RHBDL3: variants seen among roughly 807,000 people sequenced by gnomAD.
The protein encoded by RHBDL3 is rhomboid like 3.
Under a neutral mutation model 48.2 loss-of-function variants are expected in RHBDL3, and 28 were observed. The ratio of observed to expected loss-of-function variants is 0.58; its 90% CI spans 0.43 to 0.80. RHBDL3 has a LOEUF of 0.80. Among genes scored for constraint, RHBDL3 ranks in the 30% least tolerant of loss-of-function variants. RHBDL3 has a pLI of 0.00. For missense variants in RHBDL3, 464 were observed against 542.7 expected (o/e 0.85, Z 1.44); for synonymous variants, 208 against 232.3 (o/e 0.90, Z 0.95).
chr17:32,319,797 A>G (rs926560347), intron 8 of RHBDL3, among the ~76,000 whole-genome samples: 1 of 152,222 alleles, frequency 6.6e-6, no homozygotes, highest in African/African-American at 2.4e-5. Flanking sequence ...GCTTTATTTC[A>G]GTGTCAAATT....
chr17:32,291,339 GAAAAAA>G (rs930949086), intron 4 of RHBDL3, among the ~76,000 whole-genome samples: 1 of 126,024 alleles, frequency 7.9e-6, no homozygotes, highest in Middle Eastern at 5.3e-3. Context: ...TCTCAAAAAA[GAAAAAA>G]AGAAAAAAAA....
Position 32,306,370 on chromosome 17 carries a change from G to A in RHBDL3, c.882+929G>A, listed in dbSNP as rs185361478. On this transcript the variant is annotated intron_variant, in intron 7 of 8. Transcript: ENST00000269051. ...ACCCGGGAGGCGGAGGTTGCAGTGA[G>A]CCGAGATCGCACCACTGCACTCCAG... 2.0e-5 allele frequency among the ~76,000 whole-genome samples: 3 copies of A among 152,288 alleles called. No individual in the cohort carries two copies. The East Asian group carries it at 5.8e-4, about 29-fold the overall frequency.
chr17:32,321,733 G>T lies in RHBDL3; in HGVS notation c.*504G>T. ...TGTGTCTGGGGCTCCAGTAAGAAGA[G>T]GGCCTACTGGACATGTCAGCTGTGA... On this transcript the variant is annotated 3_prime_UTR_variant, in exon 9 of 9. Transcript: ENST00000269051. 4.1e-6 allele frequency: 1 copy of T among 246,314 alleles called. No homozygotes were observed. The highest frequency in any genetic ancestry group is 8.1e-6 in the Non-Finnish European group (1 of 123,902). 15.3% of individuals were successfully genotyped at this position (246,314 alleles called of 1,614,324 possible).
chr17:32,274,867 AGT>A (rs749295077), intron 2 of RHBDL3, among the ~76,000 whole-genome samples: 11 of 151,772 alleles, frequency 7.2e-5, no homozygotes, highest in Non-Finnish European at 1.5e-4. Flanking sequence ...TGTGTGCAAG[AGT>A]GTGCATGTGT....
intron 2 of RHBDL3, among the ~76,000 whole-genome samples, chr17:32,282,950 C>T (rs2040093614): frequency 6.6e-6 from 1 of 152,152 alleles, no homozygotes; most frequent in Admixed American, 6.6e-5. Context: ...TAGCCCATGA[C>T]TGAGACTCCT....
At chr17:32,278,812 G>T (rs2150699555) in intron 2 of RHBDL3, among the ~76,000 whole-genome samples, 1 of 152,312 alleles carries the variant, frequency 6.6e-6, no homozygotes, top group South Asian at 2.1e-4. Flanking sequence ...AGGACACTTT[G>T]AGAGTAAAGG....
chr17:32,303,778 A>G (rs1038886661), intron 6 of RHBDL3, among the ~76,000 whole-genome samples: 2 of 151,548 alleles, frequency 1.3e-5, no homozygotes, highest in African/African-American at 4.9e-5. Context: ...GAGGTGGAGG[A>G]GTTTATCAGG....
intron 7 of RHBDL3, among the ~76,000 whole-genome samples, chr17:32,309,292 C>A (rs1012840779): frequency 2.6e-4 from 39 of 151,784 alleles, no homozygotes; most frequent in African/African-American, 9.0e-4. Context: ...GTGGCTCACG[C>A]CTGTAATCCC....
chr17:32,269,777 C>G (rs916872707), intron 2 of RHBDL3, among the ~76,000 whole-genome samples: 2 of 152,116 alleles, frequency 1.3e-5, no homozygotes, highest in African/African-American at 4.8e-5. Context: ...CTGTGTCTAT[C>G]TTTTTCATTT....
At chr17:32,311,154 G>A (rs2040839810) in intron 7 of RHBDL3, among the ~76,000 whole-genome samples, 1 of 152,224 alleles carries the variant, frequency 6.6e-6, no homozygotes, top group Admixed American at 6.5e-5. Context: ...TGTTCGCTGT[G>A]GGTGAGTACT....
intron 2 of RHBDL3, among the ~76,000 whole-genome samples, chr17:32,273,717 A>G (rs948742074): frequency 2.0e-5 from 3 of 152,126 alleles, no homozygotes; most frequent in African/African-American, 7.2e-5. Context: ...AAAAAGACAT[A>G]TAATAGAGTA....
chr17:32,280,229 C>G (rs1056171476), intron 2 of RHBDL3, among the ~76,000 whole-genome samples: 2 of 152,178 alleles, frequency 1.3e-5, no homozygotes, highest in Non-Finnish European at 2.9e-5. Flanking sequence ...TCACAGCCCA[C>G]ATTCTAACGG....
chr17:32,299,085 T>C (rs1198957992), intron 6 of RHBDL3, among the ~76,000 whole-genome samples: 4 of 148,130 alleles, frequency 2.7e-5, no homozygotes, highest in Non-Finnish European at 4.4e-5. Context: ...CCGCCTCAGC[T>C]CTTCAGCTTG....
chr17:32,309,179 A>AGT (rs61558385), intron 7 of RHBDL3, among the ~76,000 whole-genome samples: 8,309 of 149,596 alleles, frequency 0.056, 252 homozygotes, highest in East Asian at 0.09. Flanking sequence ...GAAGGTTTGG[A>AGT]GTGTGTGTGT....
rs1205722276 is a variant in RHBDL3, at chr17:32,318,457, T to C, written c.943+2165T>C. Among the ~76,000 whole-genome samples the C allele has an allele frequency of 8.1e-5, 2 of 24,598 alleles. 1 individual carries two copies. Among genetic ancestry groups the C allele is most frequent in the Admixed American group, 5.6e-4 (2 of 3,548 alleles). The allele number at this position is 24,598 out of a possible 152,430, so 16.1% of individuals were successfully genotyped here. ...TTCGAGACCAGCCTGACCAACATGC[T>C]GAAACAAAAACAAACAAACAAAAAA... is the stretch of plus-strand genomic sequence containing the variant. On this transcript the variant is annotated intron_variant, in intron 8 of 8. Coordinates refer to ENST00000269051, the MANE Select transcript of RHBDL3 (RefSeq NM_138328.3).
At chr17:32,302,986 T>C (rs571455890) in intron 6 of RHBDL3, among the ~76,000 whole-genome samples, 1 of 152,290 alleles carries the variant, frequency 6.6e-6, no homozygotes, top group East Asian at 1.9e-4. Context: ...CCTCATTTTA[T>C]AGACATGAAA....
chr17:32,292,765 G>A (rs1421524015), intron 4 of RHBDL3, among the ~76,000 whole-genome samples: 1 of 137,836 alleles, frequency 7.3e-6, no homozygotes, highest in Non-Finnish European at 1.5e-5. Context: ...TCACGCCACT[G>A]CACTCCAGCC....
At chr17:32,300,056 G>T (rs1272594946) in intron 6 of RHBDL3, among the ~76,000 whole-genome samples, 1 of 152,168 alleles carries the variant, frequency 6.6e-6, no homozygotes, top group East Asian at 1.9e-4. Context: ...ACGCTACGAG[G>T]TGGGCACTGC....
Position 32,323,341 on chromosome 17 carries a change from G to A in RHBDL3, c.*2112G>A, listed in dbSNP as rs186018916. On this transcript the variant is annotated 3_prime_UTR_variant, in exon 9 of 9. Transcript: ENST00000269051. ...GGAAGTCAGTGCCTCAGAGGAGGAG[G>A]CTCTGAGGCTGTGGAGCTGGGCTCA... 1.0e-4 allele frequency: 16 copies of A among 152,486 alleles called. No homozygotes were observed. In the East Asian group the frequency reaches 2.9e-3, roughly 28 times the overall value. 9.4% of individuals were successfully genotyped at this position (152,486 alleles called of 1,614,324 possible). A position where few individuals can be genotyped will look rare whatever the true frequency, so the allele number is the denominator to read the frequency against.
Sources: allele counts gnomAD v4.1 joint callset (sites outside exome capture counted in the v4.1 genomes callset), GRCh38; gene constraint gnomAD v4.1.1; transcripts MANE v1.5; gene names NCBI Gene and HGNC (gene_info 2026-07-23, HGNC 2026-07-21).